FCHO2: variants seen among roughly 807,000 people sequenced by gnomAD.
The protein encoded by FCHO2 is FCH and mu domain containing endocytic adaptor 2.
FCHO2 carries 43 observed loss-of-function variants against 114.1 expected under a neutral mutation model. The observed-to-expected ratio is 0.38, with a 90% CI of 0.30 to 0.49. The LOEUF is 0.49. Ranked by LOEUF, FCHO2 falls within the 20% of genes least tolerant of loss-of-function variation. FCHO2 has a pLI of 0.97. For synonymous variants in FCHO2, 293 were observed against 315.2 expected, an observed-to-expected ratio of 0.93 and a Z score of 0.75; for missense variants, 807 against 950.4, an observed-to-expected ratio of 0.85 and a Z score of 1.98.
chr5:72,994,670 G>A (rs1235216584), intron 5 of FCHO2, among the ~76,000 whole-genome samples: 1 of 152,150 alleles, frequency 6.6e-6, no homozygotes, highest in African/African-American at 2.4e-5. Context: ...GTACCATAAA[G>A]ACACATGCAT....
chr5:72,972,922 A>AT (rs891836979), intron 2 of FCHO2, among the ~76,000 whole-genome samples: 2 of 152,142 alleles, frequency 1.3e-5, no homozygotes, highest in African/African-American at 4.8e-5. Flanking sequence ...GGGCTGTTGA[A>AT]TTTTGTCAAA....
At chr5:73,018,838 A>G (rs1372252309) in intron 8 of FCHO2, among the ~76,000 whole-genome samples, 2 of 151,876 alleles carry the variant, frequency 1.3e-5, no homozygotes, top group African/African-American at 4.8e-5. Context: ...TTGCAGTGGT[A>G]TTTTTTTTAG....
At chr5:73,039,943 G>GA (rs1187248259) in intron 10 of FCHO2, among the ~76,000 whole-genome samples, 70 of 117,720 alleles carry the variant, frequency 5.9e-4, no homozygotes, top group Non-Finnish European at 5.2e-4. Flanking sequence ...GAGAAAAAAA[G>GA]AAAAAAAAAA....
chr5:73,055,087 T>A (rs1757529008), intron 15 of FCHO2: 1 of 383,694 alleles, frequency 2.6e-6, no homozygotes. Flanking sequence ...ACAGAAACTT[T>A]AACATCAGTT....
chr5:73,011,193 G>A (rs1159643445), intron 6 of FCHO2, among the ~76,000 whole-genome samples: 1 of 152,150 alleles, frequency 6.6e-6, no homozygotes, highest in East Asian at 1.9e-4. Context: ...GTGAGTAAAT[G>A]TGAAGGCCTA....
intron 5 of FCHO2, among the ~76,000 whole-genome samples, chr5:73,005,510 G>A (rs981583927): frequency 3.3e-5 from 5 of 152,068 alleles, no homozygotes; most frequent in Admixed American, 6.6e-5. Context: ...AGAAAATGGG[G>A]ATTTTTATAT....
intron 11 of FCHO2, among the ~76,000 whole-genome samples, chr5:73,043,985 G>T (rs936132598): frequency 2.0e-5 from 3 of 152,176 alleles, no homozygotes; most frequent in African/African-American, 7.2e-5. Flanking sequence ...GGAGGCAATT[G>T]GGTCAGGGGA....
intron 18 of FCHO2, among the ~76,000 whole-genome samples, chr5:73,068,364 T>C (rs1405519813): frequency 6.6e-6 from 1 of 152,104 alleles, no homozygotes; most frequent in Non-Finnish European, 1.5e-5. Context: ...GTTTATACTG[T>C]TTAAACTAAT....
At chr5:72,997,117 T>TGA (rs1754161144) in intron 5 of FCHO2, 10 of 1,148,618 alleles carry the variant, frequency 8.7e-6, no homozygotes, top group Non-Finnish European at 1.3e-5. Context: ...TGGATCCGGA[T>TGA]GAGATACTTA....
At chr5:73,033,657 CA>C (rs905372009) in intron 8 of FCHO2, among the ~76,000 whole-genome samples, 22 of 151,766 alleles carry the variant, frequency 1.4e-4, no homozygotes, top group African/African-American at 4.8e-4. Flanking sequence ...AATTATTTCA[CA>C]AAAAAAGCTA....
chr5:73,009,530 TTTTG>T (rs1754887291), intron 6 of FCHO2, among the ~76,000 whole-genome samples: 1 of 152,188 alleles, frequency 6.6e-6, no homozygotes, highest in Admixed American at 6.5e-5. Flanking sequence ...TTTCTGGTTT[TTTTG>T]TTTGTTTTTT....
intron 5 of FCHO2, among the ~76,000 whole-genome samples, chr5:72,999,617 A>G (rs1754322023): frequency 6.6e-6 from 1 of 151,778 alleles, no homozygotes; most frequent in Non-Finnish European, 1.5e-5. Context: ...TTCTGACCTC[A>G]GGTGATATGC....
intron 6 of FCHO2, among the ~76,000 whole-genome samples, chr5:73,010,704 C>T (rs1348137960): frequency 6.6e-6 from 1 of 151,608 alleles, no homozygotes; most frequent in African/African-American, 2.4e-5. Context: ...TGTTGAAATC[C>T]TGTCTCTACT....
At chr5:73,080,095 C>T (rs1319896618) in intron 22 of FCHO2, among the ~76,000 whole-genome samples, 3 of 152,060 alleles carry the variant, frequency 2.0e-5, no homozygotes, top group Admixed American at 6.6e-5. Flanking sequence ...AAAGTATTTA[C>T]GACACATAAG....
intron 2 of FCHO2, among the ~76,000 whole-genome samples, chr5:72,985,578 T>G (rs966768676): frequency 4.6e-5 from 7 of 152,240 alleles, no homozygotes; most frequent in Non-Finnish European, 8.8e-5. Flanking sequence ...GATAATCACC[T>G]AGATCTGTTA....
intron 1 of FCHO2, among the ~76,000 whole-genome samples, chr5:72,958,941 A>G (rs1203760118): frequency 6.6e-6 from 1 of 152,196 alleles, no homozygotes; most frequent in East Asian, 1.9e-4. Flanking sequence ...TATGAATAAT[A>G]CTTCTCTGAA....
intron 8 of FCHO2, among the ~76,000 whole-genome samples, chr5:73,032,197 T>C (rs1756272902): frequency 6.6e-6 from 1 of 152,240 alleles, no homozygotes; most frequent in African/African-American, 2.4e-5. Flanking sequence ...CATATGCCAT[T>C]TGTAAAAGAA....
chr5:73,054,217 T>C (rs979238847), intron 14 of FCHO2, 46 bp downstream of exon 14: 19 of 1,438,718 alleles, frequency 1.3e-5, no homozygotes, highest in Non-Finnish European at 1.8e-5. Flanking sequence ...TTTAAAATCA[T>C]TGTAATTTTG....
intron 5 of FCHO2, among the ~76,000 whole-genome samples, chr5:72,999,253 A>G (rs1359599338): frequency 1.3e-5 from 2 of 151,816 alleles, no homozygotes; most frequent in East Asian, 3.9e-4. Context: ...TAAGGTTTTT[A>G]TTAACAAGAA....
Sources: gnomAD v4.1 joint callset for allele counts (sites outside exome capture counted in the v4.1 genomes callset) on GRCh38, gnomAD v4.1.1 for gene constraint, MANE v1.5 for transcripts, NCBI Gene and HGNC (gene_info 2026-07-23, HGNC 2026-07-21) for gene names.